LIPA: variants seen among roughly 807,000 people sequenced by gnomAD.
LIPA encodes the protein lysosomal acid lipase/cholesteryl ester hydrolase.
LIPA carries 26 observed loss-of-function variants against 40.6 expected under a neutral mutation model. The ratio of observed to expected loss-of-function variants is 0.64; its 90% CI spans 0.47 to 0.89. LIPA has a LOEUF of 0.89. Among genes scored for constraint, LIPA ranks in the 40% least tolerant of loss-of-function variants. The probability of loss-of-function intolerance (pLI) is 0.00; values close to 1 mark genes in which losing one functional copy is unlikely to be tolerated. For missense variants in LIPA, 455 were observed against 479.6 expected (o/e 0.95, Z 0.48); for synonymous variants, 188 against 168.4 (o/e 1.12, Z -0.90).
intron 1 of LIPA, among the ~76,000 whole-genome samples, chr10:89,262,943 A>C (rs1490728470): frequency 6.6e-6 from 1 of 152,232 alleles, no homozygotes; most frequent in Non-Finnish European, 1.5e-5. Flanking sequence ...TTACATGTGC[A>C]GTTGTTGGAG....
chr10:89,322,165 A>G (rs1392802171), intron 1 of LIPA, among the ~76,000 whole-genome samples: 1 of 152,220 alleles, frequency 6.6e-6, no homozygotes, highest in East Asian at 1.9e-4. Context: ...ACAAGTATAC[A>G]TATGTAACAA....
In LIPA at chr10:89,311,366, A is replaced by C. The variant is rs57038225; in HGVS notation, c.-2+31245T>G. 9.1e-3 allele frequency among the ~76,000 whole-genome samples: 1,380 copies of C among 152,024 alleles called. 21 individuals carry two copies. The highest frequency in any genetic ancestry group is 0.032 in the African/African-American group (1,324 of 41,454). ...GGTGAAACCCCATCTCTACCAAAAA[A>C]AATACAAAAAAAAATTAACCAGGCA... is the stretch of plus-strand genomic sequence containing the variant. On this transcript the variant is annotated intron_variant, in intron 1 of 5. Transcript: ENST00000282673.
intron 1 of LIPA, among the ~76,000 whole-genome samples, chr10:89,258,370 G>T (rs1395475908): frequency 6.6e-6 from 1 of 152,052 alleles, no homozygotes; most frequent in East Asian, 1.9e-4. Context: ...TTTGAGTTTT[G>T]TCAAAGATTG....
chr10:89,364,083 T>G (rs944323504), intron 2 of LIPA, among the ~76,000 whole-genome samples: 2 of 152,208 alleles, frequency 1.3e-5, no homozygotes, highest in African/African-American at 4.8e-5. Flanking sequence ...TGATCGCTGC[T>G]TTCAAAAAGG....
At position 89,227,025 on chromosome 10, in the gene LIPA, T is replaced by C. The variant is rs1388858462; in HGVS notation, c.429-21A>G. 5.8e-6 allele frequency: 8 copies of C among 1,381,714 alleles called. No homozygotes were observed. In the East Asian group the frequency reaches 9.1e-5, roughly 16 times the overall value. The allele number at this position is 1,381,714 out of a possible 1,614,324, so 85.6% of individuals were successfully genotyped here. A position where few individuals can be genotyped will look rare whatever the true frequency, so the allele number is the denominator to read the frequency against. ...CATAACTGTAATCCAAGAAAGGAAC[T>C]CTTTCATTGAAATAGTACATAAAAT... On this transcript the variant is annotated intron_variant, in intron 4 of 9. Coordinates refer to ENST00000336233, the MANE Select transcript of LIPA (RefSeq NM_000235.4).
chr10:89,393,069 T>A (rs1461871535), intron 2 of LIPA: 2 of 1,126,940 alleles, frequency 1.8e-6, no homozygotes, highest in African/African-American at 3.2e-5. Flanking sequence ...GGGGAAGGAA[T>A]GGACAGCTTG....
chr10:89,414,582 C>G (rs953825302), upstream of LIPA: 6 of 468,900 alleles, frequency 1.3e-5, no homozygotes, highest in South Asian at 3.8e-5. Context: ...TCTGAGCGCT[C>G]GGCATCTGAT....
intron 3 of LIPA, among the ~76,000 whole-genome samples, chr10:89,243,235 G>C (rs950108001): frequency 6.6e-6 from 1 of 152,214 alleles, no homozygotes; most frequent in African/African-American, 2.4e-5. Context: ...AAGAGCCTCT[G>C]TCCATGCTCT....
At chr10:89,270,034 T>A (rs1298152976) in intron 1 of LIPA, among the ~76,000 whole-genome samples, 1 of 152,242 alleles carries the variant, frequency 6.6e-6, no homozygotes, top group Non-Finnish European at 1.5e-5. Flanking sequence ...AAAGTGCAGA[T>A]GGACCTTGGT....
chr10:89,364,644 T>C (rs1390331479), intron 2 of LIPA, among the ~76,000 whole-genome samples: 3 of 149,272 alleles, frequency 2.0e-5, no homozygotes, highest in African/African-American at 2.4e-5. Flanking sequence ...TATTCATATA[T>C]ATGTATACAT....
intron 1 of LIPA, among the ~76,000 whole-genome samples, chr10:89,277,555 AT>A (rs1462889153): frequency 1.3e-5 from 2 of 152,236 alleles, no homozygotes; most frequent in Non-Finnish European, 2.9e-5. Flanking sequence ...TAATGAATGA[AT>A]AAAGATGGAT....
At chr10:89,219,260 A>G (rs1589551068) in intron 8 of LIPA, among the ~76,000 whole-genome samples, 1 of 140,134 alleles carries the variant, frequency 7.1e-6, no homozygotes, top group South Asian at 2.1e-4. Flanking sequence ...CAGAGTCTCC[A>G]CAGGTCTCAG....
rs1256033096 is a variant in LIPA at position 89,228,084 on chromosome 10, T to A, written c.428+116A>T. ...TTAAAACCTTTCAAAAGACACTAAC[T>A]TCCCCTCTCATACAACTTCAGAGTT... On this transcript the variant is annotated intron_variant, in intron 4 of 9. Coordinates refer to ENST00000336233, the MANE Select transcript of LIPA (RefSeq NM_000235.4). 5.1e-5 allele frequency: 43 copies of A among 850,898 alleles called. 1 individual carries two copies. In the Admixed American group the frequency reaches 7.8e-4, roughly 15 times the overall value. 52.7% of individuals were successfully genotyped at this position (850,898 alleles called of 1,614,324 possible).
chr10:89,325,666 T>G (rs1162719186), intron 1 of LIPA, among the ~76,000 whole-genome samples: 2 of 152,066 alleles, frequency 1.3e-5, no homozygotes, highest in Non-Finnish European at 2.9e-5. Flanking sequence ...CTGAACATTA[T>G]GGACACAAAG....
chr10:89,254,594 A>G (rs12258120), upstream of LIPA, among the ~76,000 whole-genome samples: 12,192 of 152,254 alleles, frequency 0.08, 504 homozygotes, highest in South Asian at 0.16. Flanking sequence ...TTGTCTTGGT[A>G]ATTAACATTT....
At chr10:89,344,604 T>G (rs1348865989), upstream of LIPA, among the ~76,000 whole-genome samples, 2 of 136,664 alleles carry the variant, frequency 1.5e-5, no homozygotes, top group South Asian at 4.3e-4. Flanking sequence ...TCACTATCCA[T>G]GCGGCAAGAA....
intron 1 of LIPA, among the ~76,000 whole-genome samples, chr10:89,281,398 T>C (rs958529504): frequency 5.9e-5 from 9 of 152,210 alleles, no homozygotes; most frequent in Admixed American, 2.0e-4. Context: ...TATTCAGTGT[T>C]GAGTTTAGTC....
At chr10:89,275,560 G>T (rs777607821) in intron 1 of LIPA, among the ~76,000 whole-genome samples, 8 of 152,206 alleles carry the variant, frequency 5.3e-5, no homozygotes, top group Non-Finnish European at 1.0e-4. Flanking sequence ...GAGCCTTACA[G>T]AACCGGCTTG....
chr10:89,332,391 G>C, intron 1 of LIPA: 3 of 1,008,980 alleles, frequency 3.0e-6, no homozygotes, highest in Non-Finnish European at 4.1e-6. Flanking sequence ...AATCTGTCTG[G>C]AACATGTTCC....
Sources: allele counts gnomAD v4.1 joint callset (sites outside exome capture counted in the v4.1 genomes callset), GRCh38; gene constraint gnomAD v4.1.1; transcripts MANE v1.5; gene names NCBI Gene and HGNC (gene_info 2026-07-23, HGNC 2026-07-21).